KIF6: variants seen among roughly 807,000 people sequenced by gnomAD.
KIF6 encodes kinesin family member 6, also known as kinesin-like protein KIF6.
A neutral mutation model predicts 112.7 loss-of-function variants in KIF6; 106 were observed. The ratio of observed to expected loss-of-function variants is 0.94; its 90% CI spans 0.80 to 1.11. KIF6 has a LOEUF of 1.11. Ranked by LOEUF, KIF6 falls within the 50% of genes least tolerant of loss-of-function variation. KIF6 has a pLI of 0.00. For missense variants in KIF6, 929 were observed against 964.0 expected, an observed-to-expected ratio of 0.96 and a Z score of 0.48; for synonymous variants, 339 against 339.9, an observed-to-expected ratio of 1.00 and a Z score of 0.03.
rs562939738 is a variant in KIF6 at position 39,441,954 on chromosome 6, G to A, written c.1646-10793C>T. 6.4e-4 allele frequency among the ~76,000 whole-genome samples: 97 copies of A among 152,268 alleles called. No individual in the cohort carries two copies. In the South Asian group the frequency reaches 0.015, roughly 23 times the overall value. On this transcript the variant is annotated intron_variant, in intron 13 of 22. Transcript: ENST00000287152. ...CTGAAGCATGGTAGGCTTGGCAGGAGCTCTAGGGAGGAGAGCGAAGGGAAA... is the reference window on the plus strand; with the variant it reads ...CTGAAGCATGGTAGGCTTGGCAGGAACTCTAGGGAGGAGAGCGAAGGGAAA...
intron 8 of KIF6, 120 bp downstream of exon 8, chr6:39,586,141 C>T: frequency 1.1e-6 from 1 of 894,150 alleles, no homozygotes; most frequent in Non-Finnish European, 1.8e-6. Context: ...CTGTAGGGTA[C>T]TGCCCTCTGA....
chr6:39,519,429 T>C (rs980672303), intron 13 of KIF6, among the ~76,000 whole-genome samples: 1 of 152,184 alleles, frequency 6.6e-6, no homozygotes, highest in African/African-American at 2.4e-5. Flanking sequence ...AAAGACTGTA[T>C]ATGTAGCAAC....
In KIF6 at chr6:39,363,768, T is replaced by C. The variant is rs144404576; in HGVS notation, c.1862-1250A>G. ...TATGCCCATTTTACAGATAAGGATA[T>C]TGAGGTTCAAAGAGGGTAAACTGCC... On this transcript the variant is annotated intron_variant, in intron 16 of 22. Transcript: ENST00000287152. Among the ~76,000 whole-genome samples the C allele has an allele frequency of 1.8e-3, 278 of 152,366 alleles. 2 individuals are homozygous for C. Among genetic ancestry groups the C allele is most frequent in the African/African-American group, 6.4e-3 (268 of 41,584 alleles).
intron 7 of KIF6, 31 bp downstream of exon 7, chr6:39,596,023 T>G: frequency 6.5e-7 from 1 of 1,546,542 alleles, no homozygotes; most frequent in Non-Finnish European, 8.9e-7. Context: ...GTAGCTATAG[T>G]TATTAATACA....
intron 10 of KIF6, among the ~76,000 whole-genome samples, chr6:39,548,373 C>G (rs963661296): frequency 6.6e-6 from 1 of 152,196 alleles, no homozygotes. Context: ...GGACCAGGGA[C>G]ATGATCCAAA....
chr6:39,695,613 C>A (rs1438067873), intron 3 of KIF6, among the ~76,000 whole-genome samples: 3 of 152,134 alleles, frequency 2.0e-5, no homozygotes, highest in Non-Finnish European at 2.9e-5. Context: ...CATCTCACAC[C>A]AGTCAGAATT....
At chr6:39,680,601 A>G (rs1489848043) in intron 3 of KIF6, among the ~76,000 whole-genome samples, 1 of 152,208 alleles carries the variant, frequency 6.6e-6, no homozygotes, top group African/African-American at 2.4e-5. Flanking sequence ...GAAGACCTTA[A>G]TCTAAGAACT....
chr6:39,391,981 G>C (rs1767937228), intron 15 of KIF6, among the ~76,000 whole-genome samples: 1 of 152,092 alleles, frequency 6.6e-6, no homozygotes, highest in Non-Finnish European at 1.5e-5. Context: ...GTGTATACAT[G>C]TATTTTGGCC....
intron 3 of KIF6, among the ~76,000 whole-genome samples, chr6:39,657,164 C>T (rs1048753261): frequency 4.7e-5 from 7 of 150,186 alleles, no homozygotes; most frequent in East Asian, 2.0e-4. Context: ...ACCCTGGAGG[C>T]GGAGGTTGCA....
chr6:39,446,688 C>G lies in KIF6; in HGVS notation c.1646-15527G>C, dbSNP rs187385620. On this transcript the variant is annotated intron_variant, in intron 13 of 22. Coordinates refer to ENST00000287152, the MANE Select transcript of KIF6 (RefSeq NM_145027.6). ...TATTTTTAGTAGAGACGGGGTTTCACCATGTTGGCCAGGCTGGTCTTAAAC... is the reference window on the plus strand; with the variant it reads ...TATTTTTAGTAGAGACGGGGTTTCAGCATGTTGGCCAGGCTGGTCTTAAAC... 2.7e-4 allele frequency among the ~76,000 whole-genome samples: 41 copies of G among 152,220 alleles called. 1 individual carries two copies. The East Asian group carries it at 6.6e-3, about 24-fold the overall frequency.
intron 10 of KIF6, among the ~76,000 whole-genome samples, chr6:39,574,170 C>T (rs1780798942): frequency 6.6e-6 from 1 of 152,134 alleles, no homozygotes; most frequent in Non-Finnish European, 1.5e-5. Context: ...TATTTGACTG[C>T]TATGCCTTCT....
chr6:39,684,828 T>C (rs1283144531), intron 3 of KIF6, among the ~76,000 whole-genome samples: 1 of 150,142 alleles, frequency 6.7e-6, no homozygotes, highest in Non-Finnish European at 1.5e-5. Context: ...AGTAAACAAG[T>C]ATTTTAAAGA....
At chr6:39,520,036 A>C (rs944868603) in intron 13 of KIF6, among the ~76,000 whole-genome samples, 1 of 152,068 alleles carries the variant, frequency 6.6e-6, no homozygotes, top group Non-Finnish European at 1.5e-5. Flanking sequence ...AAACAAATAA[A>C]CAAACTAACA....
In KIF6 at chr6:39,665,419, A is replaced by G. The variant is rs548910948; in HGVS notation, c.252-25662T>C. Among the ~76,000 whole-genome samples the G allele has an allele frequency of 1.5e-4, 23 of 152,354 alleles. No individual in the cohort carries two copies. The Middle Eastern group carries it at 0.01, about 68-fold the overall frequency. ...GTGAAGTCAAATTTGCAAAAACTGC[A>G]TACAACAAATGAGAATTCTCTAAAA... On this transcript the variant is annotated intron_variant, in intron 3 of 22. Transcript: ENST00000287152.
intron 3 of KIF6, among the ~76,000 whole-genome samples, chr6:39,689,647 C>T (rs774954084): frequency 2.6e-5 from 4 of 152,052 alleles, no homozygotes; most frequent in Non-Finnish European, 4.4e-5. Flanking sequence ...CACCCAGGCC[C>T]GTGCAGTGGC....
At chr6:39,582,670 C>T (rs149497345) in intron 9 of KIF6, among the ~76,000 whole-genome samples, 1 of 152,280 alleles carries the variant, frequency 6.6e-6, no homozygotes, top group African/African-American at 2.4e-5. Context: ...CCGCCTCAGC[C>T]TCCCAAAGTG....
intron 5 of KIF6, among the ~76,000 whole-genome samples, chr6:39,620,977 C>T (rs988445466): frequency 6.6e-6 from 1 of 151,966 alleles, no homozygotes; most frequent in Non-Finnish European, 1.5e-5. Flanking sequence ...CCATGTTAGC[C>T]AGGCTGGTCT....
chr6:39,654,991 A>G (rs2150799325), intron 3 of KIF6, among the ~76,000 whole-genome samples: 1 of 152,304 alleles, frequency 6.6e-6, no homozygotes, highest in East Asian at 1.9e-4. Context: ...CCATTTCTCT[A>G]TAGTAGGTAT....
chr6:39,435,832 AG>A, intron 13 of KIF6, among the ~76,000 whole-genome samples: 1 of 152,316 alleles, frequency 6.6e-6, no homozygotes, highest in Middle Eastern at 3.4e-3. Context: ...ATATGCATCC[AG>A]GTGTCTTTTT....
Sources: gnomAD v4.1 joint callset for allele counts (sites outside exome capture counted in the v4.1 genomes callset) on GRCh38, gnomAD v4.1.1 for gene constraint, MANE v1.5 for transcripts, NCBI Gene and HGNC (gene_info 2026-07-23, HGNC 2026-07-21) for gene names.